Variants in CNTNAP2 observed in about 807,000 individuals in gnomAD.
The protein encoded by CNTNAP2 is contactin associated protein 2.
In CNTNAP2, 98 loss-of-function variants were observed where a neutral mutation model predicts 155.2. The ratio of observed to expected loss-of-function variants is 0.63; its 90% CI spans 0.54 to 0.75. The LOEUF is 0.75. Ranked by LOEUF, CNTNAP2 falls within the 30% of genes least tolerant of loss-of-function variation. The probability of loss-of-function intolerance (pLI) is 0.00; values close to 1 mark genes in which losing one functional copy is unlikely to be tolerated. For synonymous variants in CNTNAP2, 651 were observed against 631.2 expected (o/e 1.03, Z -0.47); for missense variants, 1,727 against 1,688.1 (o/e 1.02, Z -0.40).
chr7:146,504,587 C>T (rs942197874), intron 1 of CNTNAP2, among the ~76,000 whole-genome samples: 2 of 152,178 alleles, frequency 1.3e-5, no homozygotes, highest in African/African-American at 4.8e-5. Flanking sequence ...GTGTTATGCT[C>T]TGGAAGGGCC....
At chr7:146,421,483 A>G (rs765871461) in intron 1 of CNTNAP2, among the ~76,000 whole-genome samples, 1 of 152,018 alleles carries the variant, frequency 6.6e-6, no homozygotes, top group African/African-American at 2.4e-5. Flanking sequence ...TCAAATTAAA[A>G]TTGAGTTTTA....
At position 146,886,746 on chromosome 7, in the gene CNTNAP2, CA is replaced by C. The variant is rs1347463673; in HGVS notation, c.402+46844del. On this transcript the variant is annotated intron_variant, in intron 3 of 23. Transcript: ENST00000361727. ...CGTGTTCCTCAGTACCAAAATTGTACAATCATCACATGGAATAAGTTTATCT... is the reference window on the plus strand; with the variant it reads ...CGTGTTCCTCAGTACCAAAATTGTACATCATCACATGGAATAAGTTTATCT... Among the ~76,000 whole-genome samples, 3 of 150,342 alleles carry C rather than the reference CA, an allele frequency of 2.0e-5. No individual in the cohort carries two copies. In the East Asian group the frequency reaches 5.8e-4, roughly 29 times the overall value.
At chr7:147,695,925 G>A (rs1265183136) in intron 13 of CNTNAP2, among the ~76,000 whole-genome samples, 1 of 152,172 alleles carries the variant, frequency 6.6e-6, no homozygotes, top group Admixed American at 6.5e-5. Context: ...TTATCATTAT[G>A]TAATGCTCCA....
At chr7:146,464,163 G>A (rs1207460772) in intron 1 of CNTNAP2, among the ~76,000 whole-genome samples, 1 of 138,786 alleles carries the variant, frequency 7.2e-6, no homozygotes, top group African/African-American at 2.7e-5. Flanking sequence ...CTTTTATTTT[G>A]CTCAATGTCT....
At chr7:147,254,779 T>C (rs1804284959) in intron 8 of CNTNAP2, among the ~76,000 whole-genome samples, 1 of 152,212 alleles carries the variant, frequency 6.6e-6, no homozygotes, top group South Asian at 2.1e-4. Flanking sequence ...TAAGCCAATT[T>C]TTAAAATTCT....
chr7:147,748,553 C>T (rs549180137), intron 13 of CNTNAP2, among the ~76,000 whole-genome samples: 3 of 152,162 alleles, frequency 2.0e-5, no homozygotes, highest in Non-Finnish European at 2.9e-5. Context: ...GTTTCAGGCA[C>T]GAGTATATCC....
chr7:147,015,683 G>GT (rs1177120313), intron 3 of CNTNAP2, among the ~76,000 whole-genome samples: 5 of 151,780 alleles, frequency 3.3e-5, no homozygotes, highest in Non-Finnish European at 4.4e-5. Flanking sequence ...TCACACATCA[G>GT]TTTTTTTTAA....
chr7:147,112,052 G>A (rs887651281), intron 5 of CNTNAP2, among the ~76,000 whole-genome samples: 2 of 152,094 alleles, frequency 1.3e-5, no homozygotes, highest in East Asian at 3.9e-4. Context: ...TGATTTCTTT[G>A]AGCAGAGGTT....
chr7:147,063,775 A>G (rs1799728162), intron 4 of CNTNAP2, among the ~76,000 whole-genome samples: 1 of 152,172 alleles, frequency 6.6e-6, no homozygotes, highest in Non-Finnish European at 1.5e-5. Flanking sequence ...TTTATATATA[A>G]AATTAAAACC....
intron 14 of CNTNAP2, among the ~76,000 whole-genome samples, chr7:147,935,342 G>A (rs1033518837): frequency 3.9e-5 from 6 of 152,212 alleles, no homozygotes; most frequent in East Asian, 1.9e-4. Flanking sequence ...GGCCAGAATG[G>A]TCTTGATCTC....
At chr7:147,920,237 T>C (rs1800248065) in intron 14 of CNTNAP2, among the ~76,000 whole-genome samples, 2 of 149,966 alleles carry the variant, frequency 1.3e-5, no homozygotes, top group Non-Finnish European at 2.9e-5. Context: ...ATGCCTGTAA[T>C]CCCAGCCACT....
At chr7:147,364,942 G>C (rs1418653624) in intron 9 of CNTNAP2, among the ~76,000 whole-genome samples, 3 of 152,008 alleles carry the variant, frequency 2.0e-5, no homozygotes, top group Non-Finnish European at 2.9e-5. Flanking sequence ...GGAACAAAGA[G>C]TTTATAAAAG....
intron 17 of CNTNAP2, among the ~76,000 whole-genome samples, chr7:148,169,982 T>C (rs1805748671): frequency 6.6e-6 from 1 of 151,972 alleles, no homozygotes; most frequent in Non-Finnish European, 1.5e-5. Flanking sequence ...TTTCATGATA[T>C]GTTAAGTGCA....
At chr7:147,365,719 C>T (rs1219844541) in intron 9 of CNTNAP2, among the ~76,000 whole-genome samples, 1 of 152,122 alleles carries the variant, frequency 6.6e-6, no homozygotes, top group Admixed American at 6.6e-5. Flanking sequence ...GATTTTTAGT[C>T]TTACAAAGTT....
chr7:148,411,765 C>A (rs6959213), intron 23 of CNTNAP2, among the ~76,000 whole-genome samples: 1 of 150,080 alleles, frequency 6.7e-6, no homozygotes, highest in Non-Finnish European at 1.5e-5. Flanking sequence ...AATATCTAGT[C>A]ATTCCAAGAC....
At chr7:146,842,662 G>A (rs1416715140) in intron 3 of CNTNAP2, among the ~76,000 whole-genome samples, 3 of 152,066 alleles carry the variant, frequency 2.0e-5, no homozygotes, top group Non-Finnish European at 4.4e-5. Flanking sequence ...GGAGCAGGAG[G>A]AAGAAAGAGA....
chr7:148,265,428 CA>C (rs1796650258), intron 20 of CNTNAP2, among the ~76,000 whole-genome samples: 1 of 152,128 alleles, frequency 6.6e-6, no homozygotes. Flanking sequence ...TGCACACCAC[CA>C]CACCCAGCTA....
chr7:146,838,915 T>G (rs1803667685), intron 2 of CNTNAP2, among the ~76,000 whole-genome samples: 1 of 152,182 alleles, frequency 6.6e-6, no homozygotes, highest in Admixed American at 6.5e-5. Context: ...GCACTAACAT[T>G]ATGCCATATT....
chr7:147,230,224 G>A (rs990888792), intron 8 of CNTNAP2, among the ~76,000 whole-genome samples: 5 of 151,776 alleles, frequency 3.3e-5, no homozygotes, highest in African/African-American at 9.7e-5. Flanking sequence ...CAAAGCCTCA[G>A]TTACATTTTA....
Sources: allele counts gnomAD v4.1 joint callset (sites outside exome capture counted in the v4.1 genomes callset), GRCh38; gene constraint gnomAD v4.1.1; transcripts MANE v1.5; gene names NCBI Gene and HGNC (gene_info 2026-07-23, HGNC 2026-07-21).